PAPPA2: variants seen among roughly 807,000 people sequenced by gnomAD.
PAPPA2 encodes pappalysin-2.
In PAPPA2, 86 loss-of-function variants were observed where a neutral mutation model predicts 176.4. That is an observed-to-expected ratio of 0.49 (90% CI 0.41 to 0.58). The LOEUF (loss-of-function observed/expected upper bound fraction) is 0.58. Ranked by LOEUF, PAPPA2 falls within the 20% of genes least tolerant of loss-of-function variation. The pLI, the probability that PAPPA2 is intolerant of heterozygous loss-of-function variation, is 0.00. For synonymous variants in PAPPA2, 809 were observed against 852.2 expected (o/e 0.95, Z 0.88); for missense variants, 2,073 against 2,256.9 (o/e 0.92, Z 1.65).
chr1:176,529,926 T>C (rs1649717491), intron 1 of PAPPA2, among the ~76,000 whole-genome samples: 1 of 152,194 alleles, frequency 6.6e-6, no homozygotes, highest in East Asian at 1.9e-4. Context: ...CTCTAATCCC[T>C]TCTTTGATGC....
intron 3 of PAPPA2, 119 bp downstream of exon 3, chr1:176,595,714 C>G: frequency 1.0e-6 from 1 of 969,904 alleles, no homozygotes; most frequent in Non-Finnish European, 1.5e-6. Context: ...TTAATCCACC[C>G]CATCAGACAG....
At chr1:176,761,235 G>A (rs139473984) in intron 14 of PAPPA2, among the ~76,000 whole-genome samples, 1 of 152,276 alleles carries the variant, frequency 6.6e-6, no homozygotes, top group Admixed American at 6.5e-5. Context: ...GTTATGTGTA[G>A]GTGGCCATCT....
At chr1:176,816,167 T>C (rs1425604614) in intron 21 of PAPPA2, among the ~76,000 whole-genome samples, 2 of 116,902 alleles carry the variant, frequency 1.7e-5, no homozygotes, top group Non-Finnish European at 3.5e-5. Flanking sequence ...TATATATATA[T>C]ATATATATAT....
intron 1 of PAPPA2, among the ~76,000 whole-genome samples, chr1:176,488,115 T>G (rs139004066): frequency 6.6e-6 from 1 of 152,182 alleles, no homozygotes; most frequent in Non-Finnish European, 1.5e-5. Flanking sequence ...TCTGCGTGGA[T>G]AGAAAATAGG....
intron 21 of PAPPA2, among the ~76,000 whole-genome samples, chr1:176,818,506 T>C (rs1226744009): frequency 3.9e-5 from 6 of 152,208 alleles, no homozygotes; most frequent in Admixed American, 3.9e-4. Flanking sequence ...TCTTAATTTC[T>C]CCATTTTCCT....
chr1:176,696,112 A>G (rs556201930), intron 7 of PAPPA2, among the ~76,000 whole-genome samples: 2 of 152,124 alleles, frequency 1.3e-5, no homozygotes, highest in East Asian at 1.9e-4. Context: ...AGACCAGCAT[A>G]TAGGACAGAA....
At chr1:176,596,036 T>A (rs1362544673) in intron 3 of PAPPA2, among the ~76,000 whole-genome samples, 1 of 152,232 alleles carries the variant, frequency 6.6e-6, no homozygotes, top group Non-Finnish European at 1.5e-5. Flanking sequence ...AATACAGATC[T>A]GTGAAAATGT....
At chr1:176,774,001 T>G (rs1405986806) in intron 17 of PAPPA2, among the ~76,000 whole-genome samples, 1 of 152,134 alleles carries the variant, frequency 6.6e-6, no homozygotes, top group Admixed American at 6.5e-5. Flanking sequence ...AAATAAGACC[T>G]GGGCTGTCCA....
rs781679058 is a variant in PAPPA2, at chr1:176,710,145, T to C, written c.3620T>C (p.Val1207Ala). 2 of 1,613,682 alleles carry C rather than the reference T, an allele frequency of 1.2e-6. No homozygotes were observed. Among genetic ancestry groups the C allele is most frequent in the Non-Finnish European group, 1.7e-6 (2 of 1,179,718 alleles). The change falls in exon 11 of 23, where the codon GTT (valine) becomes GCT (alanine). Residue 1207 changes from valine to alanine, a missense_variant. Around this residue, in one of 4 missense-constraint regions of PAPPA2, gnomAD observed 846 missense variants for 857.9 expected, o/e 0.99. Transcript: ENST00000367662. ...SSHEDKKKCP[V>A]SLVTGEPHSL... Reference sequence around the variant, plus strand: ...CATGAAGACAAGAAGAAGTGTCCTGTTTCCTTGGTAACTGGAGAACCTCAT... The same window carrying C: ...CATGAAGACAAGAAGAAGTGTCCTGCTTCCTTGGTAACTGGAGAACCTCAT...
At position 176,756,470 on chromosome 1, in the gene PAPPA2, G is replaced by A. The variant is rs377043834; in HGVS notation, c.4152-9196G>A. On this transcript the variant is annotated intron_variant, in intron 14 of 22. Transcript: ENST00000367662. ...GCTAATATATACATATCTTTTTGTC[G>A]TTTCAAATAAATGATTCTGCTTCCC... Among the ~76,000 whole-genome samples, 8 of 152,230 alleles carry A rather than the reference G, an allele frequency of 5.3e-5. No homozygotes were observed. The East Asian group carries it at 1.4e-3, about 26-fold the overall frequency.
chr1:176,515,013 G>A (rs756135000), intron 1 of PAPPA2, among the ~76,000 whole-genome samples: 2 of 152,172 alleles, frequency 1.3e-5, no homozygotes, highest in Non-Finnish European at 2.9e-5. Flanking sequence ...CAAATACCTT[G>A]CTGCTAATCT....
intron 1 of PAPPA2, among the ~76,000 whole-genome samples, chr1:176,501,301 C>A (rs559699838): frequency 6.6e-6 from 1 of 152,174 alleles, no homozygotes; most frequent in Admixed American, 6.5e-5. Context: ...TCACGTTTAA[C>A]AATTAGTCTC....
chr1:176,485,233 A>G (rs1652593073), intron 1 of PAPPA2, among the ~76,000 whole-genome samples: 1 of 152,164 alleles, frequency 6.6e-6, no homozygotes, highest in African/African-American at 2.4e-5. Flanking sequence ...AAAGCCCTCC[A>G]GTGATTTCCA....
At chr1:176,485,591 TTATA>T (rs61362634) in intron 1 of PAPPA2, among the ~76,000 whole-genome samples, 1,916 of 151,584 alleles carry the variant, frequency 0.013, 40 homozygotes, top group African/African-American at 0.044. Flanking sequence ...ACTCCTGGCA[TTATA>T]TATATATAGT....
In PAPPA2 at chr1:176,568,269, C is replaced by T. The variant is rs80208210; in HGVS notation, c.919+11028C>T. On this transcript the variant is annotated intron_variant, in intron 2 of 22. Transcript: ENST00000367662. ...CAGAAATATAAAGCATGCAAATGCA[C>T]GCTCAATCACTCTAAAAAAATCTAT... 2.4e-4 allele frequency among the ~76,000 whole-genome samples: 37 copies of T among 152,294 alleles called. 1 individual carries two copies. The East Asian group carries it at 5.6e-3, about 23-fold the overall frequency.
intron 17 of PAPPA2, among the ~76,000 whole-genome samples, chr1:176,771,648 T>A (rs1013730887): frequency 6.6e-6 from 1 of 152,318 alleles, no homozygotes; most frequent in East Asian, 1.9e-4. Context: ...ATTATATCAA[T>A]CAAACATAAA....
At chr1:176,607,006 T>C (rs910568548) in intron 3 of PAPPA2, among the ~76,000 whole-genome samples, 1 of 152,186 alleles carries the variant, frequency 6.6e-6, no homozygotes, top group East Asian at 1.9e-4. Flanking sequence ...ATAAATGATA[T>C]ATGGATATAT....
intron 20 of PAPPA2, among the ~76,000 whole-genome samples, chr1:176,795,147 CTCAGACT>C (rs1470416922): frequency 6.6e-6 from 1 of 152,212 alleles, no homozygotes; most frequent in Non-Finnish European, 1.5e-5. Context: ...GAGAAGCTCC[CTCAGACT>C]TTCACTAGAG....
intron 4 of PAPPA2, among the ~76,000 whole-genome samples, chr1:176,688,916 A>G (rs1659970727): frequency 6.6e-6 from 1 of 152,200 alleles, no homozygotes; most frequent in Non-Finnish European, 1.5e-5. Flanking sequence ...CTTGGAATAT[A>G]ATCTGGCAAG....
Sources: allele counts gnomAD v4.1 joint callset (sites outside exome capture counted in the v4.1 genomes callset), GRCh38; gene constraint gnomAD v4.1.1; regional missense constraint gnomAD v4.1.1; transcripts MANE v1.5; gene names NCBI Gene and HGNC (gene_info 2026-07-23, HGNC 2026-07-21).